The following PDE8A variants were observed in gnomAD, a reference collection of about 807,000 sequenced individuals.
The protein encoded by PDE8A is phosphodiesterase 8A.
Under a neutral mutation model 105.0 loss-of-function variants are expected in PDE8A, and 59 were observed. That is an observed-to-expected ratio of 0.56 (90% CI 0.46 to 0.70). The LOEUF is 0.70. Among genes scored for constraint, PDE8A ranks in the 30% least tolerant of loss-of-function variants. The pLI, the probability that PDE8A is intolerant of heterozygous loss-of-function variation, is 0.00. For synonymous variants in PDE8A, 355 were observed against 371.9 expected (o/e 0.95, Z 0.52); for missense variants, 1,014 against 1,045.9 (o/e 0.97, Z 0.42).
At chr15:85,124,369 C>T (rs1165642447) in intron 19 of PDE8A, among the ~76,000 whole-genome samples, 1 of 152,152 alleles carries the variant, frequency 6.6e-6, no homozygotes, top group East Asian at 1.9e-4. Context: ...TATGTTCTTT[C>T]ATGAACCTCT....
intron 1 of PDE8A, chr15:85,063,376 T>C (rs897012989): frequency 6.6e-5 from 10 of 152,188 alleles, no homozygotes; most frequent in African/African-American, 1.9e-4. Flanking sequence ...GAGGCCCAGA[T>C]TGGGATCTCA....
chr15:85,022,426 GTTTT>G (rs3042744), intron 1 of PDE8A, among the ~76,000 whole-genome samples: 20 of 134,436 alleles, frequency 1.5e-4, no homozygotes, highest in South Asian at 4.8e-4. Context: ...TATTGGAAGT[GTTTT>G]TTTTTTTTTT....
At chr15:85,104,893 G>T (rs2081924847) in intron 11 of PDE8A, among the ~76,000 whole-genome samples, 1 of 152,102 alleles carries the variant, frequency 6.6e-6, no homozygotes, top group Admixed American at 6.5e-5. Flanking sequence ...GGAGCAGGAT[G>T]AATTCATTCA....
At chr15:85,136,935 A>G (rs552140146) in intron 21 of PDE8A, among the ~76,000 whole-genome samples, 18 of 152,204 alleles carry the variant, frequency 1.2e-4, no homozygotes, top group Admixed American at 6.5e-4. Flanking sequence ...TTCAAAACCA[A>G]TCGTGCTGGC....
chr15:85,068,329 C>T (rs910926596), intron 3 of PDE8A, among the ~76,000 whole-genome samples: 3 of 152,142 alleles, frequency 2.0e-5, no homozygotes, highest in South Asian at 2.1e-4. Flanking sequence ...TGTGAGCCAC[C>T]GCACTGTGCC....
At chr15:85,043,524 T>C (rs945630986) in intron 1 of PDE8A, among the ~76,000 whole-genome samples, 1 of 152,226 alleles carries the variant, frequency 6.6e-6, no homozygotes, top group Admixed American at 6.5e-5. Context: ...ATTCTCATTT[T>C]TCTATGGGTT....
intron 1 of PDE8A, among the ~76,000 whole-genome samples, chr15:84,988,630 C>T (rs894805694): frequency 2.0e-5 from 3 of 152,220 alleles, no homozygotes; most frequent in Admixed American, 6.5e-5. Flanking sequence ...TTCCATTGCC[C>T]TTTGCCTAGA....
At chr15:85,070,473 G>A (rs2081294797) in intron 3 of PDE8A, among the ~76,000 whole-genome samples, 1 of 152,220 alleles carries the variant, frequency 6.6e-6, no homozygotes, top group Non-Finnish European at 1.5e-5. Flanking sequence ...AGTGCCCGCA[G>A]AAGAGGTTTA....
At chr15:85,043,332 C>T (rs1819094461) in intron 1 of PDE8A, among the ~76,000 whole-genome samples, 1 of 152,140 alleles carries the variant, frequency 6.6e-6, no homozygotes, top group South Asian at 2.1e-4. Flanking sequence ...CCTTTTCATT[C>T]TGACAGATGA....
chr15:85,115,931 A>AT (rs1415206996), intron 15 of PDE8A, 53 bp from the exon 16 acceptor site: 1 of 1,548,924 alleles, frequency 6.5e-7, no homozygotes, highest in Non-Finnish European at 8.8e-7. Context: ...AAAAAAAAAA[A>AT]AAAAGTTAAT....
intron 3 of PDE8A, 21 bp downstream of exon 3, chr15:85,067,225 T>C: frequency 6.3e-7 from 1 of 1,575,238 alleles, no homozygotes; most frequent in Non-Finnish European, 8.7e-7. Flanking sequence ...GACTCGGGCC[T>C]AAATAGTCCC....
chr15:85,079,374 CTA>C (rs1292291598), intron 5 of PDE8A, among the ~76,000 whole-genome samples: 1 of 152,056 alleles, frequency 6.6e-6, no homozygotes, highest in Non-Finnish European at 1.5e-5. Flanking sequence ...GGGAAATGTT[CTA>C]TGTGGGAAAT....
intron 6 of PDE8A, among the ~76,000 whole-genome samples, chr15:85,086,479 A>T (rs2081554460): frequency 6.6e-6 from 1 of 152,234 alleles, no homozygotes; most frequent in African/African-American, 2.4e-5. Context: ...GCTTTGATTA[A>T]TCAATTGAAA....
chr15:85,063,056 C>A (rs896398655), intron 1 of PDE8A: 21 of 151,936 alleles, frequency 1.4e-4, no homozygotes, highest in African/African-American at 4.8e-4. Flanking sequence ...ACTGAAGAAT[C>A]TTCCTCCTCA....
Position 85,076,761 on chromosome 15 carries a change from C to T in PDE8A, c.520C>T (p.Pro174Ser), listed in dbSNP as rs778343897. The change falls in exon 5 of 22, where the codon CCT (proline) becomes TCT (serine). Residue 174 changes from proline to serine, a missense_variant. Coordinates refer to ENST00000394553, the MANE Select transcript of PDE8A (RefSeq NM_002605.3). Reference protein sequence around the residue: ...RVDREELSVMPFISAGFTRRY... With the variant: ...RVDREELSVMSFISAGFTRRY... ...GGATAGAGAAGAGTTGTCCGTAATG[C>T]CTTTCATTTCTGCTGGATTTACAAG... is the stretch of plus-strand genomic sequence containing the variant. The T allele has an allele frequency of 2.5e-6, 4 of 1,594,844 alleles. No homozygotes were observed. In the South Asian group the frequency reaches 4.4e-5, roughly 18 times the overall value.
At chr15:84,997,592 CTTTTTTTGTT>C (rs1306588477) in intron 1 of PDE8A, among the ~76,000 whole-genome samples, 11 of 151,576 alleles carry the variant, frequency 7.3e-5, no homozygotes, top group Admixed American at 3.9e-4. Flanking sequence ...CCATGTACAT[CTTTTTTTGTT>C]TTTTTTTGAG....
At chr15:85,037,633 A>G (rs2080729428) in intron 1 of PDE8A, among the ~76,000 whole-genome samples, 1 of 152,202 alleles carries the variant, frequency 6.6e-6, no homozygotes, top group African/African-American at 2.4e-5. Context: ...CTGTAGAAAT[A>G]TGTCATTCCC....
Position 85,089,406 on chromosome 15 carries a change from G to A in PDE8A, c.704G>A (p.Arg235His), listed in dbSNP as rs192339320. The change falls in exon 7 of 22, where the codon CGT becomes CAT. Residue 235 changes from arginine to histidine, a missense_variant. Physicochemically the swap from Arg to His is conservative, Grantham distance 29. Coordinates refer to ENST00000394553, the MANE Select transcript of PDE8A (RefSeq NM_002605.3). Reference protein sequence around the residue: ...EDAIEITSEDRFIQYANPAFE... With the variant: ...EDAIEITSEDHFIQYANPAFE... ...GCAATTGAAATTACAAGCGAAGACCGTTTTATACAGGTTTGTTATTTTGGA... is the reference window on the plus strand; with the variant it reads ...GCAATTGAAATTACAAGCGAAGACCATTTTATACAGGTTTGTTATTTTGGA... The A allele has an allele frequency of 4.1e-5, 64 of 1,563,844 alleles. No homozygotes were observed. Among genetic ancestry groups the A allele is most frequent in the Middle Eastern group, 3.3e-4 (2 of 5,990 alleles).
chr15:85,081,843 G>C (rs538200757), intron 5 of PDE8A, among the ~76,000 whole-genome samples: 2 of 152,172 alleles, frequency 1.3e-5, no homozygotes, highest in East Asian at 3.9e-4. Context: ...TCTGCCTTTG[G>C]GGTAAAAAAG....
Sources: allele counts gnomAD v4.1 joint callset (sites outside exome capture counted in the v4.1 genomes callset), GRCh38; gene constraint gnomAD v4.1.1; transcripts MANE v1.5; gene names NCBI Gene and HGNC (gene_info 2026-07-23, HGNC 2026-07-21).